The following BPIFA2 variants were observed in gnomAD, a reference collection of about 807,000 sequenced individuals.
The protein encoded by BPIFA2 is BPI fold containing family A member 2.
BPIFA2 carries 20 observed loss-of-function variants against 25.7 expected under a neutral mutation model. The ratio of observed to expected loss-of-function variants is 0.78; its 90% CI spans 0.55 to 1.13. The LOEUF (loss-of-function observed/expected upper bound fraction) is 1.13. BPIFA2 is among the 50% of genes most tolerant of loss of function. The probability of loss-of-function intolerance (pLI) is 0.00; values close to 1 mark genes in which losing one functional copy is unlikely to be tolerated. For missense variants in BPIFA2, 300 were observed against 298.1 expected (o/e 1.01, Z -0.05); for synonymous variants, 126 against 124.3 (o/e 1.01, Z -0.09).
Position 33,174,110 on chromosome 20 carries a change from G to A in BPIFA2, c.334G>A (p.Val112Ile). 6.2e-7 allele frequency: 1 copy of A among 1,614,196 alleles called. No individual in the cohort carries two copies. Among genetic ancestry groups the A allele is most frequent in the Non-Finnish European group, 8.5e-7 (1 of 1,180,026 alleles). The change falls in exon 4 of 9, where the codon GTC (valine) becomes ATC (isoleucine). Residue 112 changes from valine to isoleucine, a missense_variant. Transcript: ENST00000354932. ...LKISNSLILDVKAEPIDDGKG... is the reference protein window; with the variant it reads ...LKISNSLILDIKAEPIDDGKG... ...AATCAGCAACTCCCTCATCCTGGAT[G>A]TCAAAGCTGAACCGATCGATGATGG...
chr20:33,179,722 A>C lies in BPIFA2; in HGVS notation c.709+55A>C, dbSNP rs1476051831. ...GAGGCAGGCATGGAGCTCTGTGCCC[A>C]CCCCATAAGCAGTTCTGGTCAGGGG... On this transcript the variant is annotated intron_variant, in intron 7 of 8. Coordinates refer to ENST00000354932, the MANE Select transcript of BPIFA2 (RefSeq NM_080574.4). 4 of 1,493,448 alleles carry C rather than the reference A, an allele frequency of 2.7e-6. No homozygotes were observed. In the Admixed American group the frequency reaches 6.7e-5, roughly 25 times the overall value. The allele number at this position is 1,493,448 out of a possible 1,614,324, so 92.5% of individuals were successfully genotyped here.
chr20:33,174,504 C>A (rs1358333189), intron 4 of BPIFA2, among the ~76,000 whole-genome samples: 1 of 152,200 alleles, frequency 6.6e-6, no homozygotes, highest in African/African-American at 2.4e-5. Flanking sequence ...TTTCCTCCAG[C>A]ATTATTTTGT....
chr20:33,177,696 G>T (rs1478784600), intron 5 of BPIFA2, among the ~76,000 whole-genome samples: 2 of 152,162 alleles, frequency 1.3e-5, no homozygotes, highest in African/African-American at 4.8e-5. Flanking sequence ...GTCAGGGAGG[G>T]GTGCCCTGAG....
intron 4 of BPIFA2, 127 bp downstream of exon 4, chr20:33,174,313 AG>A: frequency 1.3e-6 from 1 of 773,796 alleles, no homozygotes. Flanking sequence ...CCAATCTGTG[AG>A]TGAGAGAACC....
chr20:33,161,872 CCA>C (rs1568604676), exon 1 of BPIFA2: 1 of 152,190 alleles, frequency 6.6e-6, no homozygotes, highest in Non-Finnish European at 1.5e-5. Context: ...TGGGAATTGT[CCA>C]GCAGAAACAG....
At chr20:33,165,648 C>T (rs1202201778), upstream of BPIFA2, among the ~76,000 whole-genome samples, 1 of 152,212 alleles carries the variant, frequency 6.6e-6, no homozygotes, top group Non-Finnish European at 1.5e-5. Flanking sequence ...GATCAGGAAG[C>T]TGCCCCAGCT....
chr20:33,167,062 C>T (rs561133197), upstream of BPIFA2, among the ~76,000 whole-genome samples: 1 of 152,330 alleles, frequency 6.6e-6, no homozygotes, highest in East Asian at 1.9e-4. Flanking sequence ...TTCCTGCAGC[C>T]GCCCAGCTCT....
intron 8 of BPIFA2, 90 bp downstream of exon 8, chr20:33,180,687 C>CA: frequency 9.3e-7 from 1 of 1,072,138 alleles, no homozygotes; most frequent in Non-Finnish European, 1.4e-6. Context: ...TGTTAGAAGA[C>CA]TGTGCCTTCA....
intron 3 of BPIFA2, among the ~76,000 whole-genome samples, 194 bp downstream of exon 3, chr20:33,173,270 T>C (rs937109980): frequency 2.1e-4 from 32 of 152,280 alleles, no homozygotes; most frequent in African/African-American, 7.5e-4. Context: ...AATCCGGGCA[T>C]CTTATGGGTT....
At chr20:33,174,272 C>T in intron 4 of BPIFA2, 86 bp downstream of exon 4, 3 of 1,205,254 alleles carry the variant, frequency 2.5e-6, no homozygotes, top group Admixed American at 1.7e-5. Flanking sequence ...GCACCTCCTC[C>T]CGCTGCTGGG....
upstream of BPIFA2, among the ~76,000 whole-genome samples, chr20:33,166,712 T>G (rs1568606069): frequency 6.6e-6 from 1 of 152,166 alleles, no homozygotes; most frequent in African/African-American, 2.4e-5. Flanking sequence ...TTTGATTTCC[T>G]AGGTCCTTGC....
chr20:33,170,609 G>C (rs537134243), intron 2 of BPIFA2, among the ~76,000 whole-genome samples: 6 of 152,200 alleles, frequency 3.9e-5, no homozygotes, highest in Admixed American at 3.9e-4. Context: ...GCCCAGGCTG[G>C]TCTCGAACTC....
chr20:33,172,210 G>T (rs891828206), intron 2 of BPIFA2, among the ~76,000 whole-genome samples: 1 of 152,014 alleles, frequency 6.6e-6, no homozygotes, highest in African/African-American at 2.4e-5. Context: ...GATGCAGGGA[G>T]GGGAACAACA....
At chr20:33,176,282 T>G (rs748885944) in intron 5 of BPIFA2, among the ~76,000 whole-genome samples, 11 of 152,206 alleles carry the variant, frequency 7.2e-5, no homozygotes, top group Non-Finnish European at 1.6e-4. Flanking sequence ...GCTCTGTGCC[T>G]GAAAGAGCAG....
upstream of BPIFA2, among the ~76,000 whole-genome samples, chr20:33,166,970 G>A (rs1312812656): frequency 6.6e-6 from 1 of 152,224 alleles, no homozygotes; most frequent in East Asian, 1.9e-4. Flanking sequence ...GCCAGGGAAG[G>A]AGGTGTGACA....
intron 2 of BPIFA2, among the ~76,000 whole-genome samples, chr20:33,172,574 C>T (rs528888703): frequency 6.6e-6 from 1 of 152,242 alleles, no homozygotes; most frequent in African/African-American, 2.4e-5. Flanking sequence ...ACGTGAGCAT[C>T]TCACTTAGCA....
intron 5 of BPIFA2, 122 bp downstream of exon 5, chr20:33,175,681 G>T: frequency 4.6e-6 from 5 of 1,085,120 alleles, no homozygotes; most frequent in Non-Finnish European, 6.5e-6. Context: ...CTGGAGTCAT[G>T]TTGACCTTGG....
intron 2 of BPIFA2, among the ~76,000 whole-genome samples, chr20:33,169,723 T>C (rs1983838221): frequency 6.6e-6 from 1 of 152,230 alleles, no homozygotes; most frequent in African/African-American, 2.4e-5. Flanking sequence ...CCTCTAATTA[T>C]GAAGGAGCCC....
In BPIFA2 at chr20:33,169,247, T is replaced by C. The variant is rs760315608; in HGVS notation, c.102T>C (p.Asp34=). The change falls in exon 2 of 9, where the codon GAT becomes GAC. Residue 34 remains aspartate (D), a synonymous_variant. Transcript: ENST00000354932. ...GCAATGACCTAAGCAATGTCGTGGA[T>C]AAGCTGGAACCTGTTCTTCACGAGG... ...NLGNDLSNVV[D]KLEPVLHEGL... 17 of 1,614,012 alleles carry C rather than the reference T, an allele frequency of 1.1e-5. No individual in the cohort carries two copies. The highest frequency in any genetic ancestry group is 5.1e-6 in the Non-Finnish European group (6 of 1,179,970).
Sources: allele counts gnomAD v4.1 joint callset (sites outside exome capture counted in the v4.1 genomes callset), GRCh38; gene constraint gnomAD v4.1.1; transcripts MANE v1.5; gene names NCBI Gene and HGNC (gene_info 2026-07-23, HGNC 2026-07-21).